Variants in PCSK6 observed in about 807,000 individuals in gnomAD.
The protein encoded by PCSK6 is paired basic amino acid cleaving enzyme 4.
In PCSK6, 85 loss-of-function variants were observed where a neutral mutation model predicts 123.3. That is an observed-to-expected ratio of 0.69 (90% CI 0.58 to 0.83). The LOEUF (loss-of-function observed/expected upper bound fraction) is 0.83, where lower values mean the gene tolerates loss of function less well. Among genes scored for constraint, PCSK6 ranks in the 40% least tolerant of loss-of-function variants. The pLI is 0.00. For missense variants in PCSK6, 1,191 were observed against 1,282.3 expected (o/e 0.93, Z 1.09); for synonymous variants, 508 against 516.0 (o/e 0.98, Z 0.21).
intron 1 of PCSK6, among the ~76,000 whole-genome samples, chr15:101,472,010 A>C (rs949114856): frequency 9.7e-5 from 14 of 144,236 alleles, no homozygotes; most frequent in Admixed American, 4.3e-4. Flanking sequence ...CTATGGATGG[A>C]CCTAAGAAAC....
At chr15:101,469,882 C>G (rs1031352161) in intron 1 of PCSK6, among the ~76,000 whole-genome samples, 1 of 152,224 alleles carries the variant, frequency 6.6e-6, no homozygotes, top group Non-Finnish European at 1.5e-5. Context: ...AAAAATAGTG[C>G]TTTCCTAGTC....
At chr15:101,368,009 G>C (rs1436813065) in intron 12 of PCSK6, among the ~76,000 whole-genome samples, 1 of 152,202 alleles carries the variant, frequency 6.6e-6, no homozygotes, top group Non-Finnish European at 1.5e-5. Context: ...ATTTTTAGTA[G>C]AGACAAGAGT....
chr15:101,453,300 G>A (rs529490221), intron 1 of PCSK6, among the ~76,000 whole-genome samples: 2 of 152,160 alleles, frequency 1.3e-5, no homozygotes, highest in Non-Finnish European at 1.5e-5. Flanking sequence ...TGTGCCCAGG[G>A]CCCATACCTC....
chr15:101,481,516 G>C (rs893806724), intron 1 of PCSK6, among the ~76,000 whole-genome samples: 1 of 152,178 alleles, frequency 6.6e-6, no homozygotes, highest in Non-Finnish European at 1.5e-5. Flanking sequence ...TGCAGCTACA[G>C]CCAGGGCTCG....
At chr15:101,404,059 G>C (rs935763902) in intron 6 of PCSK6, among the ~76,000 whole-genome samples, 5 of 152,206 alleles carry the variant, frequency 3.3e-5, no homozygotes, top group African/African-American at 1.2e-4. Flanking sequence ...CTTGTACTGA[G>C]AATTAATCCT....
At chr15:101,437,309 A>G (rs2056628784) in intron 2 of PCSK6, among the ~76,000 whole-genome samples, 1 of 152,236 alleles carries the variant, frequency 6.6e-6, no homozygotes. Context: ...CGAGATGCCC[A>G]GGCCCACCTC....
intron 1 of PCSK6, among the ~76,000 whole-genome samples, chr15:101,481,939 C>G (rs954501236): frequency 5.9e-5 from 9 of 152,176 alleles, no homozygotes; most frequent in South Asian, 2.1e-4. Flanking sequence ...GGAGCCAGTA[C>G]AGATTCCCCG....
At position 101,398,415 on chromosome 15, in the gene PCSK6, C is replaced by G. The variant is rs1213355043; in HGVS notation, c.985G>C (p.Gly329Arg). 1 of 1,609,938 alleles carries G rather than the reference C, an allele frequency of 6.2e-7. No individual in the cohort carries two copies. Among genetic ancestry groups the G allele is most frequent in the Non-Finnish European group, 8.5e-7 (1 of 1,176,966 alleles). The change falls in exon 7 of 22, where the codon GGC (glycine) becomes CGC (arginine). Residue 329 changes from glycine to arginine, a missense_variant. This residue lies in a region of PCSK6 where 357 missense variants were observed against 484.5 expected (regional missense o/e 0.74). Transcript: ENST00000611716. The surrounding 1 kb of genome is among the most constrained non-coding windows in gnomAD (Gnocchi z 4.6). ...CTGGTTACTCACACCTTTTTAATGC[C>G]ATACTCGAAAGCCTGCTTAGCCAGT... ...GRLAKQAFEY[G>R]IKKGRQGLGS...
chr15:101,485,561 T>C (rs151318161), intron 1 of PCSK6, among the ~76,000 whole-genome samples: 157 of 152,358 alleles, frequency 1.0e-3, no homozygotes, highest in Middle Eastern at 3.4e-3. Context: ...CCATCTGGAA[T>C]GTACTGTTGT....
chr15:101,427,800 A>G, intron 6 of PCSK6, 92 bp downstream of exon 6: 1 of 1,044,478 alleles, frequency 9.6e-7, no homozygotes, highest in Non-Finnish European at 1.4e-6. Flanking sequence ...CAAAGCCAAA[A>G]AACAGGAGGC....
intron 2 of PCSK6, among the ~76,000 whole-genome samples, chr15:101,441,345 G>A (rs1272110632): frequency 6.6e-6 from 1 of 152,014 alleles, no homozygotes; most frequent in East Asian, 1.9e-4. Flanking sequence ...CCAGGGTATG[G>A]TGGCCCTCAA....
chr15:101,483,766 C>T (rs1481510175), intron 1 of PCSK6, among the ~76,000 whole-genome samples: 4 of 152,260 alleles, frequency 2.6e-5, no homozygotes, highest in East Asian at 1.9e-4. Flanking sequence ...TCCTGGGCTC[C>T]GTGTCCAGCT....
chr15:101,318,306 G>A lies in PCSK6; in HGVS notation c.2569+13C>T, dbSNP rs991186365. On this transcript the variant is annotated intron_variant, in intron 19 of 21. Transcript: ENST00000611716. ...TGACGCTGGCCCGAGGCCTCCGCAGGCGGTGAACTCACCCACGCAGGTTCC... is the reference window on the plus strand; with the variant it reads ...TGACGCTGGCCCGAGGCCTCCGCAGACGGTGAACTCACCCACGCAGGTTCC... The A allele has an allele frequency of 2.2e-5, 34 of 1,545,904 alleles. No homozygotes were observed. The Admixed American group carries it at 5.7e-4, about 26-fold the overall frequency.
chr15:101,407,755 C>G (rs546086517), intron 6 of PCSK6, among the ~76,000 whole-genome samples: 11 of 152,260 alleles, frequency 7.2e-5, no homozygotes, highest in Non-Finnish European at 1.5e-4. Flanking sequence ...CGCTGCTTCT[C>G]TGTGTGGCCC....
chr15:101,318,504 G>A, intron 18 of PCSK6, 82 bp from the exon 19 acceptor site: 2 of 1,154,772 alleles, frequency 1.7e-6, no homozygotes, highest in African/African-American at 1.5e-5. Context: ...TTCCCAAGAG[G>A]AGATGTAAGT....
intron 13 of PCSK6, among the ~76,000 whole-genome samples, chr15:101,358,181 G>C (rs1432824775): frequency 2.6e-5 from 4 of 152,188 alleles, no homozygotes. Context: ...TCACCCCTGG[G>C]GGTAGGCGGA....
At chr15:101,324,001 C>T (rs555759793) in intron 17 of PCSK6, among the ~76,000 whole-genome samples, 77 of 152,290 alleles carry the variant, frequency 5.1e-4, no homozygotes, top group Non-Finnish European at 9.3e-4. Context: ...CAGGGCGAGG[C>T]GAATTACGAA....
At chr15:101,361,579 T>C (rs1025256570) in intron 13 of PCSK6, among the ~76,000 whole-genome samples, 3 of 151,706 alleles carry the variant, frequency 2.0e-5, no homozygotes, top group Non-Finnish European at 4.4e-5. Flanking sequence ...CCAGGCATGT[T>C]AGGGGAACAG....
At position 101,305,940 on chromosome 15, in the gene PCSK6, TGTG is replaced by T; in HGVS notation, c.2813-588_2813-586del. 6.6e-6 allele frequency among the ~76,000 whole-genome samples: 1 copy of T among 152,014 alleles called. No individual in the cohort carries two copies. The highest frequency in any genetic ancestry group is 6.5e-5 in the Admixed American group (1 of 15,274). On this transcript the variant is annotated intron_variant, in intron 21 of 21. Coordinates refer to ENST00000611716, the MANE Select transcript of PCSK6 (RefSeq NM_002570.5). This position sits in a 1 kb window ranked among gnomAD's most constrained non-coding sequence, Gnocchi z 4.8. ...GTGACAAGGGGATTCATGAGCAGGA[TGTG>T]GGGGTGGTGTGGGAGGGATCTCAGG...
Sources: allele counts gnomAD v4.1 joint callset (sites outside exome capture counted in the v4.1 genomes callset), GRCh38; gene constraint gnomAD v4.1.1; regional missense constraint gnomAD v4.1.1; non-coding constraint Gnocchi (gnomAD v3.1); transcripts MANE v1.5; gene names NCBI Gene and HGNC (gene_info 2026-07-23, HGNC 2026-07-21).